Variants in WDR1 observed in about 807,000 individuals in gnomAD.
WDR1 encodes WD repeat-containing protein 1.
Under a neutral mutation model 71.9 loss-of-function variants are expected in WDR1, and 21 were observed. That is an observed-to-expected ratio of 0.29 (90% CI 0.21 to 0.42). The LOEUF is 0.42. Ranked by LOEUF, WDR1 falls within the 10% of genes least tolerant of loss-of-function variation. The pLI is 1.00. For synonymous variants in WDR1, 424 were observed against 347.4 expected (o/e 1.22, Z -2.45); for missense variants, 696 against 824.5 (o/e 0.84, Z 1.91).
chr4:10,078,597 G>A, intron 12 of WDR1: 1 of 279,664 alleles, frequency 3.6e-6, no homozygotes, highest in Non-Finnish European at 6.7e-6. Flanking sequence ...GGCTGGCTCT[G>A]AGGCACAGCT....
rs769199893 is a variant in WDR1 at position 10,099,152 on chromosome 4, G to T, written c.230-13C>A. The T allele has an allele frequency of 1.9e-6, 3 of 1,596,636 alleles. No homozygotes were observed. Among genetic ancestry groups the T allele is most frequent in the Non-Finnish European group, 2.6e-6 (3 of 1,169,054 alleles). ...TTCCCAGACACATCTGTGGGGCACA[G>T]CGGGCGGGGGAGGGGGGGAGGCGGT... On this transcript the variant is annotated splice_polypyrimidine_tract_variant and intron_variant, in intron 3 of 14. Transcript: ENST00000499869.
Position 10,075,389 on chromosome 4 carries a change from T to C in WDR1, c.1810A>G (p.Ile604Val), listed in dbSNP as rs1179977303. The stretch of plus-strand genomic sequence containing the variant: ...GGGGGTGGGGCTCCTCAGTAGGTGA[T>C]TGTCCACTCCTTGACAGAGGCATCA... The part of the protein sequence containing the change: ...SHDASVKEWT[I>V]TY Residue 604 changes from isoleucine (I) to valine (V), a missense_variant, in exon 15 of 15, where the codon ATC (isoleucine) becomes GTC (valine). Ile to Val is a conservative substitution (Grantham distance 29). Coordinates refer to ENST00000499869, the MANE Select transcript of WDR1 (RefSeq NM_017491.5). 6 of 1,613,816 alleles carry C rather than the reference T, an allele frequency of 3.7e-6. No homozygotes were observed. In the East Asian group the frequency reaches 8.9e-5, roughly 24 times the overall value.
In WDR1 at chr4:10,098,827, C is replaced by A. The variant is rs1335326274; in HGVS notation, c.377+165G>T. On this transcript the variant is annotated intron_variant, in intron 4 of 14. Coordinates refer to ENST00000499869, the MANE Select transcript of WDR1 (RefSeq NM_017491.5). ...CAGTGTGATGTGGAGTTCTACCTTACCTGGGGCTGCAGCCAGCCCTCACGG... is the reference window on the plus strand; with the variant it reads ...CAGTGTGATGTGGAGTTCTACCTTAACTGGGGCTGCAGCCAGCCCTCACGG... 5.9e-5 allele frequency among the ~76,000 whole-genome samples: 9 copies of A among 152,182 alleles called. No homozygotes were observed. In the East Asian group the frequency reaches 1.7e-3, roughly 29 times the overall value.
chr4:10,108,981 T>C (rs4697922), intron 2 of WDR1, among the ~76,000 whole-genome samples: 99,962 of 152,188 alleles, frequency 0.66, 33,590 homozygotes, highest in Middle Eastern at 0.77. Flanking sequence ...TGATTCACCA[T>C]AGCAGCTGCC....
At chr4:10,077,998 G>C (rs991270481) in intron 12 of WDR1, 72 bp from the exon 13 acceptor site, 6 of 1,464,236 alleles carry the variant, frequency 4.1e-6, no homozygotes, top group Non-Finnish European at 4.5e-6. Flanking sequence ...GTGAAGGGGG[G>C]GTCGAGGGCT....
chr4:10,109,551 C>A (rs1713222628), intron 2 of WDR1, among the ~76,000 whole-genome samples: 1 of 152,206 alleles, frequency 6.6e-6, no homozygotes, highest in South Asian at 2.1e-4. Flanking sequence ...TCACAGGCCG[C>A]CATGCCCTGA....
At chr4:10,085,632 C>T (rs918426713) in intron 8 of WDR1, among the ~76,000 whole-genome samples, 11 of 152,250 alleles carry the variant, frequency 7.2e-5, no homozygotes, top group South Asian at 2.1e-4. Flanking sequence ...TTGAACTTAC[C>T]AGAAACACTC....
At chr4:10,080,532 C>T (rs10516200) in intron 11 of WDR1, among the ~76,000 whole-genome samples, 2 of 152,224 alleles carry the variant, frequency 1.3e-5, no homozygotes, top group African/African-American at 2.4e-5. Context: ...CTGTCCCTAA[C>T]GCAATTAAGT....
chr4:10,087,111 A>G (rs1711625028), intron 8 of WDR1, among the ~76,000 whole-genome samples: 1 of 152,202 alleles, frequency 6.6e-6, no homozygotes, highest in Admixed American at 6.5e-5. Flanking sequence ...CCAGGTTGGC[A>G]TTTGGGGCCT....
chr4:10,113,274 T>G (rs985143323), intron 2 of WDR1, among the ~76,000 whole-genome samples: 1 of 152,142 alleles, frequency 6.6e-6, no homozygotes, highest in Non-Finnish European at 1.5e-5. Context: ...GGCAGGAGAT[T>G]TGCCTGAACC....
intron 11 of WDR1, among the ~76,000 whole-genome samples, chr4:10,079,340 C>T (rs1184472051): frequency 3.3e-5 from 5 of 152,366 alleles, no homozygotes; most frequent in Middle Eastern, 3.4e-3. Flanking sequence ...GTACTAACAA[C>T]AGTAAACAAA....
intron 10 of WDR1, among the ~76,000 whole-genome samples, chr4:10,081,745 C>G (rs936659687): frequency 5.3e-5 from 8 of 151,954 alleles, no homozygotes; most frequent in African/African-American, 1.7e-4. Flanking sequence ...CTCATTACAC[C>G]CAGATGTGGC....
chr4:10,081,523 CCA>C (rs750016744), intron 10 of WDR1, 79 bp from the exon 11 acceptor site: 772 of 1,389,156 alleles, frequency 5.6e-4, no homozygotes, highest in Non-Finnish European at 7.2e-4. Flanking sequence ...TACTGTTAAA[CCA>C]CAGTTTTGCT....
intron 2 of WDR1, among the ~76,000 whole-genome samples, chr4:10,104,439 C>T (rs901996321): frequency 5.3e-5 from 8 of 152,148 alleles, no homozygotes; most frequent in African/African-American, 1.9e-4. Flanking sequence ...CCAAACTCAG[C>T]GCCTGGCTGT....
chr4:10,114,552 G>C (rs1035642203), intron 2 of WDR1, among the ~76,000 whole-genome samples: 1 of 152,262 alleles, frequency 6.6e-6, no homozygotes, highest in Admixed American at 6.5e-5. Flanking sequence ...CGACAGGGAA[G>C]GCCTGGTTAG....
chr4:10,104,847 C>A (rs1363564069), intron 2 of WDR1, among the ~76,000 whole-genome samples: 2 of 152,196 alleles, frequency 1.3e-5, no homozygotes, highest in Non-Finnish European at 2.9e-5. Flanking sequence ...GAGGCAGCTT[C>A]CCGCCAGCTT....
In WDR1 at chr4:10,077,292, G is replaced by T. The variant is rs758693552; in HGVS notation, c.1714+12C>A. On this transcript the variant is annotated intron_variant, in intron 14 of 14. Coordinates refer to ENST00000499869, the MANE Select transcript of WDR1 (RefSeq NM_017491.5). The stretch of plus-strand genomic sequence containing the variant: ...TGGGTGGTCCCTGCCAAGGCCTGGG[G>T]GCGGAAGTCACCTTGGATCTTGACT... The T allele has an allele frequency of 1.9e-6, 3 of 1,613,586 alleles. No homozygotes were observed. Among genetic ancestry groups the T allele is most frequent in the Non-Finnish European group, 2.5e-6 (3 of 1,179,834 alleles).
intron 8 of WDR1, among the ~76,000 whole-genome samples, chr4:10,086,393 C>G (rs935100645): frequency 1.3e-5 from 2 of 152,244 alleles, no homozygotes; most frequent in African/African-American, 4.8e-5. Context: ...CTGCTGCCCC[C>G]ACTGCCCCGG....
intron 8 of WDR1, 106 bp downstream of exon 8, chr4:10,087,601 T>C: frequency 8.8e-7 from 1 of 1,135,080 alleles, no homozygotes; most frequent in African/African-American, 1.6e-5. Flanking sequence ...TGAGGACACC[T>C]CTCTAGCTTC....
Sources: allele counts gnomAD v4.1 joint callset (sites outside exome capture counted in the v4.1 genomes callset), GRCh38; gene constraint gnomAD v4.1.1; transcripts MANE v1.5; gene names NCBI Gene and HGNC (gene_info 2026-07-23, HGNC 2026-07-21).